BLTP3A: variants seen among roughly 807,000 people sequenced by gnomAD.
BLTP3A encodes the protein bridge-like lipid transfer protein family member 3A.
chr6:34,798,787 T>C, the BLTP3A span, among the ~76,000 whole-genome samples: 1 of 152,112 alleles, frequency 6.6e-6, no homozygotes, highest in Non-Finnish European at 1.5e-5. Flanking sequence ...TTAGGGTTAT[T>C]TCTGACCATT....
chr6:34,863,872 A>G, the BLTP3A span: 1 of 849,558 alleles, frequency 1.2e-6, no homozygotes, highest in African/African-American at 1.7e-5. Flanking sequence ...GGTAATGTCA[A>G]AGTTGTATGT....
chr6:34,861,629 C>CA, the BLTP3A span, among the ~76,000 whole-genome samples: 1 of 152,120 alleles, frequency 6.6e-6, no homozygotes, highest in African/African-American at 2.4e-5. Flanking sequence ...ATATAATATC[C>CA]ACAAATACTG....
chr6:34,834,645 CTTT>C, the BLTP3A span: 27 of 1,557,210 alleles, frequency 1.7e-5, no homozygotes, highest in Admixed American at 3.7e-4. Flanking sequence ...CCTTGCCAGT[CTTT>C]TTTCCTTGGA....
At chr6:34,856,469 T>C in the BLTP3A span, 2 of 1,563,320 alleles carry the variant, frequency 1.3e-6, no homozygotes, top group Non-Finnish European at 1.7e-6. Context: ...TATCTTTGAA[T>C]AACAGTGGAG....
chr6:34,822,254 T>G, the BLTP3A span, among the ~76,000 whole-genome samples: 1 of 103,102 alleles, frequency 9.7e-6, no homozygotes, highest in African/African-American at 4.5e-5. Context: ...TCCCTTGAAA[T>G]TTTTTTTTTT....
chr6:34,805,604 A>G, the BLTP3A span, among the ~76,000 whole-genome samples: 1 of 150,926 alleles, frequency 6.6e-6, no homozygotes, highest in Non-Finnish European at 1.5e-5. Flanking sequence ...AAAAAAAAAA[A>G]AAAAAAAGAT....
chr6:34,827,069 C>G, the BLTP3A span, among the ~76,000 whole-genome samples: 10 of 152,122 alleles, frequency 6.6e-5, no homozygotes, highest in Non-Finnish European at 2.9e-5. Context: ...TCCCAGCACT[C>G]TGGGAGGCCA....
the BLTP3A span, among the ~76,000 whole-genome samples, chr6:34,818,207 A>G: frequency 2.6e-5 from 4 of 152,164 alleles, no homozygotes; most frequent in Non-Finnish European, 4.4e-5. Context: ...AATGGCTCAC[A>G]TCTGTAATGC....
the BLTP3A span, chr6:34,822,014 A>G: frequency 6.2e-7 from 1 of 1,604,278 alleles, no homozygotes; most frequent in Admixed American, 1.7e-5. Flanking sequence ...AGGCTTTTAG[A>G]AGATAAGGGA....
the BLTP3A span, among the ~76,000 whole-genome samples, chr6:34,793,192 G>T: frequency 6.6e-6 from 1 of 152,204 alleles, no homozygotes; most frequent in East Asian, 1.9e-4. Flanking sequence ...GTGTAGCCGA[G>T]TGACTGCTGA....
chr6:34,796,944 C>G, the BLTP3A span, among the ~76,000 whole-genome samples: 60 of 152,292 alleles, frequency 3.9e-4, no homozygotes, highest in African/African-American at 1.4e-3. Flanking sequence ...ACCTGGTGAT[C>G]CGCCTGCCTT....
the BLTP3A span, among the ~76,000 whole-genome samples, chr6:34,843,393 T>A: frequency 3.9e-5 from 6 of 152,230 alleles, no homozygotes; most frequent in African/African-American, 1.4e-4. Context: ...ATTAAGTTAA[T>A]CAAGTGCTGA....
the BLTP3A span, among the ~76,000 whole-genome samples, chr6:34,850,551 C>A: frequency 3.9e-5 from 6 of 152,056 alleles, no homozygotes; most frequent in African/African-American, 1.2e-4. Flanking sequence ...CTTTTTTATT[C>A]TTTTTTCTTG....
chr6:34,815,012 C>T, the BLTP3A span, among the ~76,000 whole-genome samples: 13 of 152,172 alleles, frequency 8.5e-5, no homozygotes, highest in Admixed American at 2.6e-4. Flanking sequence ...CTTGCCCTGT[C>T]ATCTAGGGCA....
chr6:34,839,948 C>G, the BLTP3A span, among the ~76,000 whole-genome samples: 8 of 152,264 alleles, frequency 5.3e-5, no homozygotes, highest in Admixed American at 6.5e-5. Context: ...CTGTGCCGTG[C>G]CGTCCAAGCT....
the BLTP3A span, among the ~76,000 whole-genome samples, chr6:34,865,060 A>G: frequency 2.6e-5 from 4 of 152,330 alleles, no homozygotes; most frequent in South Asian, 4.1e-4. Flanking sequence ...ATCCTATGAT[A>G]TATACACACA....
the BLTP3A span, among the ~76,000 whole-genome samples, chr6:34,808,478 C>T: frequency 4.6e-5 from 7 of 151,038 alleles, no homozygotes; most frequent in African/African-American, 7.3e-5. Context: ...TTTAGCAAGA[C>T]TGATCAAGGA....
chr6:34,792,945 C>T, the BLTP3A span, among the ~76,000 whole-genome samples: 1 of 152,210 alleles, frequency 6.6e-6, no homozygotes, highest in Non-Finnish European at 1.5e-5. Flanking sequence ...AGGGCCGTTC[C>T]TCTGGACTTC....
the BLTP3A span, among the ~76,000 whole-genome samples, chr6:34,848,979 G>T: frequency 1.7e-5 from 2 of 120,190 alleles, no homozygotes; most frequent in Non-Finnish European, 3.5e-5. Flanking sequence ...TGGTGCGTCT[G>T]TGGTAGATTT....
Sources: allele counts gnomAD v4.1 joint callset (sites outside exome capture counted in the v4.1 genomes callset), GRCh38; gene constraint gnomAD v4.1.1; transcripts MANE v1.5; gene names NCBI Gene and HGNC (gene_info 2026-07-23, HGNC 2026-07-21).